UTP4: variants seen among roughly 807,000 people sequenced by gnomAD.
UTP4 encodes U3 small nucleolar RNA-associated protein 4 homolog.
A neutral mutation model predicts 82.4 loss-of-function variants in UTP4; 45 were observed. The observed-to-expected ratio is 0.55, with a 90% CI of 0.43 to 0.70. The LOEUF (loss-of-function observed/expected upper bound fraction) is 0.70, where lower values mean the gene tolerates loss of function less well. Among genes scored for constraint, UTP4 ranks in the 30% least tolerant of loss-of-function variants. The probability of loss-of-function intolerance (pLI) is 0.00; values close to 1 mark genes in which losing one functional copy is unlikely to be tolerated. For missense variants in UTP4, 819 were observed against 858.3 expected (o/e 0.95, Z 0.57); for synonymous variants, 348 against 300.3 (o/e 1.16, Z -1.64).
chr16:69,167,720 C>T (rs1157904841), intron 16 of UTP4: 1 of 158,412 alleles, frequency 6.3e-6, no homozygotes, highest in Non-Finnish European at 1.4e-5. Context: ...GCATTTGTAG[C>T]TTGCCAGTTG....
intron 2 of UTP4, among the ~76,000 whole-genome samples, chr16:69,134,702 C>CTTTTTTT (rs751705922): frequency 2.3e-5 from 3 of 131,530 alleles, no homozygotes; most frequent in African/African-American, 8.4e-5. Flanking sequence ...TTTTCTTTTT[C>CTTTTTTT]TTTTTTTTTT....
At chr16:69,155,008 C>T (rs1373100309) in intron 10 of UTP4, among the ~76,000 whole-genome samples, 4 of 152,122 alleles carry the variant, frequency 2.6e-5, no homozygotes, top group African/African-American at 2.4e-5. Flanking sequence ...GCGTGAGCCA[C>T]CGCGCCCAGC....
Position 69,165,415 on chromosome 16 carries a change from C to T in UTP4, c.1722C>T (p.His574=), listed in dbSNP as rs1963676978. ...CTGTCCAGAAGCAGGGCTTTCACCA[C>T]CTTTGGCTCCAAAGGGATACTCCTA... ...SRTVQKQGFH[H]LWLQRDTPIT... is the part of the protein sequence containing the mutation. The change falls in exon 15 of 17, where the codon CAC becomes CAT. Residue 574 remains histidine, a synonymous_variant. Transcript: ENST00000314423. 2.5e-6 allele frequency: 4 copies of T among 1,613,980 alleles called. No homozygotes were observed. Among genetic ancestry groups the T allele is most frequent in the African/African-American group, 1.3e-5 (1 of 74,906 alleles).
At chr16:69,155,836 A>T (rs763568197) in intron 10 of UTP4, 35 bp from the exon 11 acceptor site, 4 of 1,613,826 alleles carry the variant, frequency 2.5e-6, no homozygotes, top group Non-Finnish European at 3.4e-6. Flanking sequence ...TGTGAAGTTT[A>T]ATTGCACATT....
chr16:69,143,948 C>T (rs919308528), intron 6 of UTP4, among the ~76,000 whole-genome samples: 6 of 151,934 alleles, frequency 3.9e-5, no homozygotes, highest in Non-Finnish European at 8.8e-5. Context: ...AGTGCAATGG[C>T]GCGATCTAGG....
At chr16:69,163,495 C>G (rs1963615968) in intron 14 of UTP4, among the ~76,000 whole-genome samples, 1 of 151,976 alleles carries the variant, frequency 6.6e-6, no homozygotes, top group African/African-American at 2.4e-5. Context: ...GGGTATTAAA[C>G]TGGATATGGG....
chr16:69,149,319 G>A (rs1204019800), intron 6 of UTP4, among the ~76,000 whole-genome samples: 1 of 152,104 alleles, frequency 6.6e-6, no homozygotes, highest in African/African-American at 2.4e-5. Context: ...GGCAGGGGTT[G>A]TGGTGAGCTG....
chr16:69,139,780 A>ATT (rs1447800699), intron 4 of UTP4, 45 bp from the exon 5 acceptor site: 2 of 1,279,050 alleles, frequency 1.6e-6, no homozygotes, highest in Non-Finnish European at 2.3e-6. Flanking sequence ...CTCTTCGTAT[A>ATT]TTTATGTGTA....
rs537959199 is a variant in UTP4, at chr16:69,150,578, C to T, written c.780C>T (p.Val260=). 1 of 1,614,244 alleles carries T rather than the reference C, an allele frequency of 6.2e-7. No homozygotes were observed. The highest frequency in any genetic ancestry group is 1.1e-5 in the South Asian group (1 of 91,088). Residue 260 remains valine (V), a synonymous_variant, in exon 7 of 17, where the codon GTC becomes GTT. Coordinates refer to ENST00000314423, the MANE Select transcript of UTP4 (RefSeq NM_032830.3). The part of the protein sequence containing the change: ...SFVVGTAEGT[V]FHFQLVPVTS... ...TGGTGGGCACAGCCGAGGGAACAGT[C>T]TTCCATTTTCAGCTGGTCCCTGTGA...
In UTP4 at chr16:69,167,149, C is replaced by T. The variant is rs2066478712; in HGVS notation, c.1908C>T (p.Arg636=). 1 of 1,613,174 alleles carries T rather than the reference C, an allele frequency of 6.2e-7. No homozygotes were observed. The highest frequency in any genetic ancestry group is 1.3e-5 in the African/African-American group (1 of 74,886). The change falls in exon 16 of 17, where the codon CGC becomes CGT. Residue 636 remains arginine, a synonymous_variant. Coordinates refer to ENST00000314423, the MANE Select transcript of UTP4 (RefSeq NM_032830.3). ...ATGAATCAGATGTCATCCGGAGGCGCACAGCTCATGCTTTTAAAATTTCTA... is the reference window on the plus strand; with the variant it reads ...ATGAATCAGATGTCATCCGGAGGCGTACAGCTCATGCTTTTAAAATTTCTA... ...PTNESDVIRR[R]TAHAFKISKI... is the part of the protein sequence containing the mutation.
At chr16:69,150,505 A>G in intron 6 of UTP4, 32 bp from the exon 7 acceptor site, 2 of 1,613,500 alleles carry the variant, frequency 1.2e-6, no homozygotes, top group Non-Finnish European at 1.7e-6. Flanking sequence ...TGTTTTGCTT[A>G]CGTGTACCTC....
intron 9 of UTP4, among the ~76,000 whole-genome samples, chr16:69,153,893 C>T (rs181556648): frequency 1.3e-5 from 2 of 152,104 alleles, no homozygotes; most frequent in African/African-American, 4.8e-5. Flanking sequence ...AAGTTTATGG[C>T]TCTAGGTGGT....
intron 6 of UTP4, among the ~76,000 whole-genome samples, chr16:69,148,987 T>C (rs1306624808): frequency 6.6e-6 from 1 of 152,146 alleles, no homozygotes; most frequent in African/African-American, 2.4e-5. Flanking sequence ...TTTCATTCTT[T>C]TTAAAGATGA....
In UTP4 at chr16:69,150,911, G is replaced by T; in HGVS notation, c.1002+7G>T. On this transcript the variant is annotated splice_region_variant and intron_variant, in intron 8 of 16. Transcript: ENST00000314423. ...AAAAATCACCTTTCCCCACGTAAGT[G>T]TCCATTCCAAGCCCCTGCTAACCCC... is the stretch of plus-strand genomic sequence containing the variant. 6.2e-7 allele frequency: 1 copy of T among 1,607,206 alleles called. No homozygotes were observed. The highest frequency in any genetic ancestry group is 8.5e-7 in the Non-Finnish European group (1 of 1,174,816).
Position 69,150,810 on chromosome 16 carries a change from C to T in UTP4, c.911-3C>T. On this transcript the variant is annotated splice_region_variant and splice_polypyrimidine_tract_variant and intron_variant, in intron 7 of 16. Coordinates refer to ENST00000314423, the MANE Select transcript of UTP4 (RefSeq NM_032830.3). ...CTGTACACCTTCTCCCCTGCTTTCC[C>T]AGGCACTGACACCCACTTAGTCTTT... 1 of 1,613,936 alleles carries T rather than the reference C, an allele frequency of 6.2e-7. No individual in the cohort carries two copies. The highest frequency in any genetic ancestry group is 1.3e-5 in the African/African-American group (1 of 75,044).
At chr16:69,134,737 C>T (rs1310502190) in intron 2 of UTP4, among the ~76,000 whole-genome samples, 1 of 132,070 alleles carries the variant, frequency 7.6e-6, no homozygotes, top group South Asian at 2.4e-4. Context: ...GAGTCTTGCT[C>T]TGTCACCCAG....
At chr16:69,158,347 A>G (rs1963478604) in intron 12 of UTP4, among the ~76,000 whole-genome samples, 1 of 151,216 alleles carries the variant, frequency 6.6e-6, no homozygotes, top group African/African-American at 2.4e-5. Context: ...GTATTTTTGT[A>G]GAGACAGGGT....
At chr16:69,143,531 G>A in intron 6 of UTP4, 142 bp downstream of exon 6, 1 of 760,608 alleles carries the variant, frequency 1.3e-6, no homozygotes, top group Non-Finnish European at 2.3e-6. Flanking sequence ...AAATGCATCT[G>A]AAAACCCACA....
chr16:69,151,999 A>G (rs1207492175), intron 8 of UTP4, among the ~76,000 whole-genome samples: 3 of 150,924 alleles, frequency 2.0e-5, no homozygotes, highest in Non-Finnish European at 2.9e-5. Context: ...CTTTATACAT[A>G]TGTTATAGAT....
Sources: gnomAD v4.1 joint callset for allele counts (sites outside exome capture counted in the v4.1 genomes callset) on GRCh38, gnomAD v4.1.1 for gene constraint, MANE v1.5 for transcripts, NCBI Gene and HGNC (gene_info 2026-07-23, HGNC 2026-07-21) for gene names.